Variants in ROBO2 observed in about 807,000 individuals in gnomAD.
ROBO2 encodes roundabout homolog 2.
ROBO2 carries 53 observed loss-of-function variants against 160.8 expected under a neutral mutation model. The observed-to-expected ratio is 0.33, with a 90% CI of 0.26 to 0.41. The LOEUF is 0.41. ROBO2 is among the 10% of genes least tolerant of loss of function. The pLI is 1.00. For missense variants in ROBO2, 1,577 were observed against 1,722.4 expected (o/e 0.92, Z 1.49); for synonymous variants, 664 against 611.7 (o/e 1.09, Z -1.26).
At chr3:77,586,642 C>T (rs775738) in intron 16 of ROBO2, among the ~76,000 whole-genome samples, 68,562 of 151,516 alleles carry the variant, frequency 0.45, 15,530 homozygotes, top group Middle Eastern at 0.53. Context: ...AAATATTGCA[C>T]CTTAATAAAA....
chr3:76,551,014 C>A (rs2083383865), intron 2 of ROBO2, among the ~76,000 whole-genome samples: 1 of 151,814 alleles, frequency 6.6e-6, no homozygotes, highest in Admixed American at 6.6e-5. Context: ...ACTCCACCTT[C>A]TAGGCAGGGA....
intron 2 of ROBO2, among the ~76,000 whole-genome samples, chr3:76,805,684 G>A (rs1313813043): frequency 6.6e-6 from 1 of 151,616 alleles, no homozygotes; most frequent in African/African-American, 2.4e-5. Context: ...GTGTGTGTGT[G>A]TGTGTGTGTG....
At chr3:77,461,508 T>A (rs1352901206) in intron 2 of ROBO2, among the ~76,000 whole-genome samples, 1 of 152,104 alleles carries the variant, frequency 6.6e-6, no homozygotes, top group Non-Finnish European at 1.5e-5. Flanking sequence ...ATTATATTTA[T>A]GCTATACATA....
At chr3:77,003,210 A>G (rs1384555849) in intron 2 of ROBO2, among the ~76,000 whole-genome samples, 2 of 152,168 alleles carry the variant, frequency 1.3e-5, no homozygotes, top group Non-Finnish European at 2.9e-5. Context: ...TCAGCACATT[A>G]CTTTACAGTT....
chr3:76,021,770 C>T (rs2066581829), intron 2 of ROBO2, among the ~76,000 whole-genome samples: 1 of 151,764 alleles, frequency 6.6e-6, no homozygotes, highest in African/African-American at 2.4e-5. Context: ...TGATTTTTCA[C>T]AGGTAAAGGG....
chr3:76,761,360 G>A (rs982285670), intron 2 of ROBO2, among the ~76,000 whole-genome samples: 2 of 151,656 alleles, frequency 1.3e-5, no homozygotes, highest in Admixed American at 6.6e-5. Flanking sequence ...TGCATGCAGG[G>A]TGACCATACA....
chr3:76,141,528 A>ATT (rs1264894343), intron 2 of ROBO2, among the ~76,000 whole-genome samples: 1 of 151,842 alleles, frequency 6.6e-6, no homozygotes, highest in African/African-American at 2.4e-5. Flanking sequence ...ATAAAAATAC[A>ATT]AGGTAGGAAA....
At chr3:77,364,334 G>T (rs1348951756) in intron 2 of ROBO2, among the ~76,000 whole-genome samples, 2 of 152,068 alleles carry the variant, frequency 1.3e-5, no homozygotes, top group South Asian at 2.1e-4. Flanking sequence ...TGGGTCACTT[G>T]TTAGCCTTGG....
intron 2 of ROBO2, among the ~76,000 whole-genome samples, chr3:77,393,092 C>A (rs112548103): frequency 6.6e-6 from 1 of 151,972 alleles, no homozygotes; most frequent in Non-Finnish European, 1.5e-5. Flanking sequence ...ATATTTTAAA[C>A]CATATTTAAG....
chr3:76,892,879 GTTGA>G (rs1335307077), intron 2 of ROBO2, among the ~76,000 whole-genome samples: 1 of 152,066 alleles, frequency 6.6e-6, no homozygotes, highest in Admixed American at 6.6e-5. Context: ...CTTTCTCCAA[GTTGA>G]TTATTTTGCT....
At chr3:76,240,988 T>C (rs1366570334) in intron 2 of ROBO2, among the ~76,000 whole-genome samples, 1 of 152,202 alleles carries the variant, frequency 6.6e-6, no homozygotes, top group Non-Finnish European at 1.5e-5. Context: ...CCTATGGAAG[T>C]TGTAGATTTG....
chr3:76,123,750 G>T (rs2070848785), intron 2 of ROBO2, among the ~76,000 whole-genome samples: 1 of 151,888 alleles, frequency 6.6e-6, no homozygotes, highest in Non-Finnish European at 1.5e-5. Flanking sequence ...AATGTACTTG[G>T]TGCTTAGTTC....
At chr3:76,055,872 C>T (rs2067827717) in intron 2 of ROBO2, among the ~76,000 whole-genome samples, 1 of 152,168 alleles carries the variant, frequency 6.6e-6, no homozygotes, top group African/African-American at 2.4e-5. Flanking sequence ...GATTCTCCTG[C>T]CTCAGCCTCC....
At chr3:75,924,602 G>A (rs1182990108) in intron 1 of ROBO2, among the ~76,000 whole-genome samples, 2 of 151,492 alleles carry the variant, frequency 1.3e-5, no homozygotes, top group Non-Finnish European at 2.9e-5. Context: ...AACACAGTAA[G>A]ACGGCTTTTA....
At chr3:76,977,495 T>C (rs764922228) in intron 2 of ROBO2, among the ~76,000 whole-genome samples, 53 of 152,152 alleles carry the variant, frequency 3.5e-4, no homozygotes, top group Non-Finnish European at 6.9e-4. Context: ...ACATGGGTGC[T>C]GGTGCAAAGA....
chr3:76,779,181 A>G (rs1560546288), intron 2 of ROBO2, among the ~76,000 whole-genome samples: 3 of 151,032 alleles, frequency 2.0e-5, no homozygotes, highest in South Asian at 2.1e-4. Context: ...AAAATATTGA[A>G]GTAAGATTTA....
intron 13 of ROBO2, among the ~76,000 whole-genome samples, chr3:77,568,887 A>G (rs2093564045): frequency 6.6e-6 from 1 of 152,000 alleles, no homozygotes; most frequent in African/African-American, 2.4e-5. Context: ...TGGACCTTTT[A>G]TATGAGTACA....
chr3:77,636,796 T>C (rs2095271301), intron 24 of ROBO2, among the ~76,000 whole-genome samples: 1 of 152,210 alleles, frequency 6.6e-6, no homozygotes, highest in Admixed American at 6.5e-5. Context: ...GGAAACACAA[T>C]ATTACTGGAA....
chr3:76,274,835 T>C (rs1281128272), intron 2 of ROBO2, among the ~76,000 whole-genome samples: 2 of 129,654 alleles, frequency 1.5e-5, no homozygotes, highest in African/African-American at 3.1e-5. Context: ...AGACTCCTTT[T>C]CAAAAAAAAA....
Sources: gnomAD v4.1 joint callset for allele counts (sites outside exome capture counted in the v4.1 genomes callset) on GRCh38, gnomAD v4.1.1 for gene constraint, MANE v1.5 for transcripts, NCBI Gene and HGNC (gene_info 2026-07-23, HGNC 2026-07-21) for gene names.